The following SMIM36 variants were observed in gnomAD, a reference collection of about 807,000 sequenced individuals.
The protein encoded by SMIM36 is small integral membrane protein 36.
intron 3 of SMIM36, among the ~76,000 whole-genome samples, chr17:55,478,265 A>G (rs1909460371): frequency 6.8e-6 from 1 of 147,820 alleles, no homozygotes; most frequent in Non-Finnish European, 1.5e-5. Context: ...ACAAGGTCTC[A>G]CTCTGTTGCC....
intron 4 of SMIM36, among the ~76,000 whole-genome samples, chr17:55,461,580 C>T (rs72838988): frequency 6.6e-6 from 1 of 151,846 alleles, no homozygotes; most frequent in South Asian, 2.1e-4. Context: ...TCAGCCTGGA[C>T]AACAGAGTGA....
chr17:55,453,543 T>G (rs1302799253), intron 4 of SMIM36, among the ~76,000 whole-genome samples: 2 of 152,192 alleles, frequency 1.3e-5, no homozygotes, highest in Non-Finnish European at 2.9e-5. Context: ...AATAATAGTG[T>G]ATTTTTAAAC....
intron 4 of SMIM36, among the ~76,000 whole-genome samples, chr17:55,454,306 A>G (rs990778452): frequency 4.6e-5 from 7 of 152,240 alleles, no homozygotes; most frequent in Admixed American, 3.3e-4. Flanking sequence ...CTGAGAAAGG[A>G]AAGTGTCCTG....
At chr17:55,487,076 C>T (rs976622582) in intron 1 of SMIM36, among the ~76,000 whole-genome samples, 1 of 151,986 alleles carries the variant, frequency 6.6e-6, no homozygotes, top group Non-Finnish European at 1.5e-5. Context: ...ACGATTCTAA[C>T]ATAATGGAAA....
intron 4 of SMIM36, among the ~76,000 whole-genome samples, chr17:55,451,001 C>T (rs566793142): frequency 6.6e-6 from 1 of 152,318 alleles, no homozygotes; most frequent in South Asian, 2.1e-4. Context: ...ATTCTCCTGC[C>T]TCAGCCTCTT....
chr17:55,487,087 C>CG (rs1909620440), intron 1 of SMIM36, among the ~76,000 whole-genome samples: 1 of 151,820 alleles, frequency 6.6e-6, no homozygotes, highest in African/African-American at 2.4e-5. Context: ...ATAATGGAAA[C>CG]GTGTCCCTAT....
intron 1 of SMIM36, among the ~76,000 whole-genome samples, chr17:55,488,495 A>G (rs1346370884): frequency 1.3e-5 from 2 of 152,182 alleles, no homozygotes; most frequent in African/African-American, 4.8e-5. Context: ...TAGCATACAT[A>G]TGTACATTAT....
upstream of SMIM36, among the ~76,000 whole-genome samples, chr17:55,515,450 T>G (rs6504970): frequency 0.49 from 74,085 of 151,940 alleles, 18,325 homozygotes; most frequent in Middle Eastern, 0.51. Context: ...CTCATCCACC[T>G]GGAATCTCAG....
upstream of SMIM36, among the ~76,000 whole-genome samples, chr17:55,513,511 TG>T (rs1396448717): frequency 6.6e-6 from 1 of 152,252 alleles, no homozygotes; most frequent in Non-Finnish European, 1.5e-5. Context: ...TAGAGTTGTC[TG>T]TTGCATCTGT....
At chr17:55,524,950 C>T in the SMIM36 span, among the ~76,000 whole-genome samples, 8 of 152,156 alleles carry the variant, frequency 5.3e-5, no homozygotes, top group African/African-American at 1.7e-4. Flanking sequence ...CCATCCGATC[C>T]TCCCAGCAAC....
intron 4 of SMIM36, chr17:55,458,470 A>C (rs1395892911): frequency 6.6e-6 from 1 of 152,212 alleles, no homozygotes; most frequent in Non-Finnish European, 1.5e-5. Context: ...CCACGGACCT[A>C]GGTGAGGACA....
At position 55,491,521 on chromosome 17, in the gene SMIM36, T is replaced by C. The variant is rs188832525; in HGVS notation, c.*175-11941A>G. Among the ~76,000 whole-genome samples, 121 of 152,266 alleles carry C rather than the reference T, an allele frequency of 7.9e-4. 1 individual carries two copies. The highest frequency in any genetic ancestry group is 2.6e-4 in the Non-Finnish European group (18 of 68,022). ...ACTGGAACCCTGATTTTGTTGGAAA[T>C]GGCAATGTAACTAACAAAAATCTAT... is the stretch of plus-strand genomic sequence containing the variant. On this transcript the variant is annotated intron_variant, in intron 1 of 4. Coordinates refer to ENST00000636752, the Ensembl canonical transcript of SMIM36.
At chr17:55,469,051 G>A (rs1909295006) in intron 3 of SMIM36, among the ~76,000 whole-genome samples, 1 of 151,958 alleles carries the variant, frequency 6.6e-6, no homozygotes, top group Admixed American at 6.6e-5. Context: ...TTTCTCTCCT[G>A]TCTGTTCCTT....
At chr17:55,521,642 G>A in the SMIM36 span, among the ~76,000 whole-genome samples, 5 of 150,042 alleles carry the variant, frequency 3.3e-5, no homozygotes, top group Non-Finnish European at 5.9e-5. Flanking sequence ...ATTGGACTTG[G>A]GAGGACATGC....
At chr17:55,527,672 T>C in the SMIM36 span, 1 of 152,240 alleles carries the variant, frequency 6.6e-6, no homozygotes, top group East Asian at 1.9e-4. Flanking sequence ...ATTTGAAGTA[T>C]CCTTTTCCTT....
At chr17:55,451,871 A>T (rs937590015) in intron 4 of SMIM36, among the ~76,000 whole-genome samples, 9 of 152,118 alleles carry the variant, frequency 5.9e-5, no homozygotes, top group African/African-American at 2.2e-4. Flanking sequence ...CCAAGGCAGG[A>T]GGACCACTTG....
intron 4 of SMIM36, among the ~76,000 whole-genome samples, chr17:55,460,455 A>AAAAAAAAAAAAAAAAC (rs1567862737): frequency 1.3e-5 from 2 of 148,804 alleles, no homozygotes; most frequent in African/African-American, 5.0e-5. Context: ...AACAAAACAA[A>AAAAAAAAAAAAAAAAC]AAAAAAGAAC....
At chr17:55,455,627 G>A (rs950163493) in intron 4 of SMIM36, among the ~76,000 whole-genome samples, 5 of 151,738 alleles carry the variant, frequency 3.3e-5, no homozygotes, top group Non-Finnish European at 7.4e-5. Context: ...TCGTCTCTAC[G>A]AAAAATCAAA....
Position 55,501,202 on chromosome 17 carries a change from T to G in SMIM36, c.*174+9677A>C, listed in dbSNP as rs1204216913. 6.3e-3 allele frequency among the ~76,000 whole-genome samples: 501 copies of G among 78,964 alleles called. 80 individuals are homozygous for G. Among genetic ancestry groups the G allele is most frequent in the African/African-American group, 0.01 (201 of 19,832 alleles). 51.8% of individuals were successfully genotyped at this position (78,964 alleles called of 152,430 possible). On this transcript the variant is annotated intron_variant, in intron 1 of 4. Transcript: ENST00000636752. ...TATAATATATAATATATCTTATATATTATAATATATAATATATATTATATA... is the reference window on the plus strand; with the variant it reads ...TATAATATATAATATATCTTATATAGTATAATATATAATATATATTATATA...
Sources: gnomAD v4.1 joint callset for allele counts (sites outside exome capture counted in the v4.1 genomes callset) on GRCh38, gnomAD v4.1.1 for gene constraint, MANE v1.5 for transcripts, NCBI Gene and HGNC (gene_info 2026-07-23, HGNC 2026-07-21) for gene names.